PCDHGA9: variants seen among roughly 807,000 people sequenced by gnomAD.
PCDHGA9 encodes the protein protocadherin gamma subfamily A, 9.
PCDHGA9 carries 37 observed loss-of-function variants against 62.5 expected under a neutral mutation model. The ratio of observed to expected loss-of-function variants is 0.59; its 90% CI spans 0.46 to 0.78. The LOEUF is 0.78. PCDHGA9 is among the 30% of genes least tolerant of loss of function. PCDHGA9 has a pLI of 0.00. For synonymous variants in PCDHGA9, 459 were observed against 484.6 expected, an observed-to-expected ratio of 0.95 and a Z score of 0.69; for missense variants, 1,138 against 1,166.2, an observed-to-expected ratio of 0.98 and a Z score of 0.35.
chr5:141,486,166 G>A lies in PCDHGA9; in HGVS notation c.2425-8641G>A. ...GCGATGGGGGTTCTCCAGCCATGGA[G>A]CAACATTGCAGCCTTCGAGTGGATC... On this transcript the variant is annotated intron_variant, in intron 1 of 3. Coordinates refer to ENST00000573521, the MANE Select transcript of PCDHGA9 (RefSeq NM_018921.3). The surrounding 1 kb of genome is among the most constrained non-coding windows in gnomAD (Gnocchi z 5.0). The A allele has an allele frequency of 2.5e-6, 4 of 1,614,224 alleles. No individual in the cohort carries two copies. The highest frequency in any genetic ancestry group is 3.4e-6 in the Non-Finnish European group (4 of 1,180,040).
chr5:141,419,165 A>G, intron 1 of PCDHGA9: 1 of 1,613,978 alleles, frequency 6.2e-7, no homozygotes, highest in Non-Finnish European at 8.5e-7. Flanking sequence ...ATCCTCCAGC[A>G]AAACCATAAC....
chr5:141,417,760 C>A, intron 1 of PCDHGA9: 1 of 1,438,808 alleles, frequency 7.0e-7, no homozygotes, highest in South Asian at 1.5e-5. Context: ...GCTCCGAGAC[C>A]CGGGACTCCT....
rs2095356668 is a variant in PCDHGA9, at chr5:141,410,094, C to T, written c.2424+4718C>T. Reference sequence around the variant, plus strand: ...ACTGGGGAGGTGCGCACGGCTCGAGCCTTAGGCGACAGGGACGCAGCCCGC... The same window carrying T: ...ACTGGGGAGGTGCGCACGGCTCGAGTCTTAGGCGACAGGGACGCAGCCCGC... On this transcript the variant is annotated intron_variant, in intron 1 of 3. Coordinates refer to ENST00000573521, the MANE Select transcript of PCDHGA9 (RefSeq NM_018921.3). 6.2e-7 allele frequency: 1 copy of T among 1,612,528 alleles called. No homozygotes were observed. Among genetic ancestry groups the T allele is most frequent in the Non-Finnish European group, 8.5e-7 (1 of 1,179,670 alleles).
At chr5:141,418,460 G>A in intron 1 of PCDHGA9, 1 of 1,613,992 alleles carries the variant, frequency 6.2e-7, no homozygotes, top group Non-Finnish European at 8.5e-7. Context: ...GAAGACTCTG[G>A]ACCGAGAAAC....
At chr5:141,483,240 T>C (rs2099578643) in intron 1 of PCDHGA9, among the ~76,000 whole-genome samples, 2 of 151,742 alleles carry the variant, frequency 1.3e-5, no homozygotes, top group Non-Finnish European at 1.5e-5. Flanking sequence ...TGAACTGATA[T>C]GCATATATCA....
At position 141,477,130 on chromosome 5, in the gene PCDHGA9, G is replaced by C; in HGVS notation, c.2425-17677G>C. On this transcript the variant is annotated intron_variant, in intron 1 of 3. Coordinates refer to ENST00000573521, the MANE Select transcript of PCDHGA9 (RefSeq NM_018921.3). The surrounding 1 kb of genome is among the most constrained non-coding windows in gnomAD (Gnocchi z 4.9). ...ATCCCGAAGGAGCACATTGCAAAGT[G>C]TTGGTGGAGGTTGTGGATGTGAATG... 6.2e-7 allele frequency: 1 copy of C among 1,614,252 alleles called. No individual in the cohort carries two copies. The highest frequency in any genetic ancestry group is 2.2e-5 in the East Asian group (1 of 44,888).
At position 141,497,540 on chromosome 5, in the gene PCDHGA9, C is replaced by CT. The variant is rs754207034; in HGVS notation, c.2483+2693dup. On this transcript the variant is annotated intron_variant, in intron 2 of 3. Transcript: ENST00000573521. Reference sequence around the variant, plus strand: ...TTAACTTGTGGAGGATGCAACAAACCTTTTTTTTTTTTTTTTTTAGACAGA... The same window carrying CT: ...TTAACTTGTGGAGGATGCAACAAACCTTTTTTTTTTTTTTTTTTTAGACAGA... Among the ~76,000 whole-genome samples, 618 of 134,908 alleles carry CT rather than the reference C, an allele frequency of 4.6e-3. 3 individuals carry two copies. The highest frequency in any genetic ancestry group is 0.012 in the African/African-American group (419 of 35,974). 88.5% of individuals were successfully genotyped at this position (134,908 alleles called of 152,430 possible). A position where few individuals can be genotyped will look rare whatever the true frequency, so the allele number is the denominator to read the frequency against.
chr5:141,494,236 T>C (rs1384800217), intron 1 of PCDHGA9, among the ~76,000 whole-genome samples: 7 of 152,128 alleles, frequency 4.6e-5, no homozygotes, highest in Non-Finnish European at 1.0e-4. Flanking sequence ...AAATTAATAA[T>C]GTATTTAGCT....
chr5:141,423,050 G>C, intron 1 of PCDHGA9: 1 of 1,614,186 alleles, frequency 6.2e-7, no homozygotes, highest in Non-Finnish European at 8.5e-7. Flanking sequence ...CTGTCCTATC[G>C]CCTGCTTAAG....
Position 141,476,996 on chromosome 5 carries a change from C to T in PCDHGA9, c.2425-17811C>T. The T allele has an allele frequency of 6.2e-7, 1 of 1,614,250 alleles. No homozygotes were observed. Among genetic ancestry groups the T allele is most frequent in the Non-Finnish European group, 8.5e-7 (1 of 1,180,052 alleles). On this transcript the variant is annotated intron_variant, in intron 1 of 3. Coordinates refer to ENST00000573521, the MANE Select transcript of PCDHGA9 (RefSeq NM_018921.3). The surrounding 1 kb of genome is among the most constrained non-coding windows in gnomAD (Gnocchi z 7.6). ...CCACAACCGCGCCGGCGTGCGGCAA[C>T]TATTCGCCTTAGACCTTGTAACCGG...
chr5:141,429,374 TG>T (rs2097206438), intron 1 of PCDHGA9, among the ~76,000 whole-genome samples: 1 of 145,410 alleles, frequency 6.9e-6, no homozygotes, highest in South Asian at 2.2e-4. Context: ...ATGGAGAAAA[TG>T]TGTTTTTTTT....
chr5:141,415,521 G>T lies in PCDHGA9; in HGVS notation c.2424+10145G>T, dbSNP rs1357538686. 2.5e-6 allele frequency: 4 copies of T among 1,614,070 alleles called. No individual in the cohort carries two copies. The African/African-American group carries it at 5.3e-5, about 22-fold the overall frequency. Reference sequence around the variant, plus strand: ...TCCCCCAGCCCAATTATGCGGACACGCTCATCAGCCAGGAGAGCTGTGAGA... The same window carrying T: ...TCCCCCAGCCCAATTATGCGGACACTCTCATCAGCCAGGAGAGCTGTGAGA... On this transcript the variant is annotated intron_variant, in intron 1 of 3. Coordinates refer to ENST00000573521, the MANE Select transcript of PCDHGA9 (RefSeq NM_018921.3).
rs1195316502 is a variant in PCDHGA9 at position 141,431,006 on chromosome 5, A to G, written c.2424+25630A>G. 1.2e-6 allele frequency: 2 copies of G among 1,614,116 alleles called. No individual in the cohort carries two copies. Among genetic ancestry groups the G allele is most frequent in the South Asian group, 2.2e-5 (2 of 91,078 alleles). ...TTTCGCCCTGAATCCGCGCAGCGGC[A>G]GCTTGGTCACGGCGGGCAGGATAGA... On this transcript the variant is annotated intron_variant, in intron 1 of 3. Transcript: ENST00000573521. The surrounding 1 kb of genome is among the most constrained non-coding windows in gnomAD (Gnocchi z 4.8).
At position 141,403,004 on chromosome 5, in the gene PCDHGA9, T is replaced by A; in HGVS notation, c.52T>A (p.Ser18Thr). The A allele has an allele frequency of 6.2e-7, 1 of 1,613,990 alleles. No homozygotes were observed. Among genetic ancestry groups the A allele is most frequent in the Non-Finnish European group, 8.5e-7 (1 of 1,179,882 alleles). ...QLRGRLVLLCSLLGMLWEARA... is the reference protein window; with the variant it reads ...QLRGRLVLLCTLLGMLWEARA... The stretch of plus-strand genomic sequence containing the variant: ...CCGCGGAAGATTAGTCCTGCTATGC[T>A]CGCTCCTGGGGATGCTATGGGAGGC... Residue 18 changes from serine (S) to threonine (T), a missense_variant, in exon 1 of 4, where the codon TCG (serine) becomes ACG (threonine). Ser to Thr is a moderately conservative substitution (Grantham distance 58, BLOSUM62 1). Transcript: ENST00000573521.
At chr5:141,450,509 G>A (rs2098683055) in intron 1 of PCDHGA9, among the ~76,000 whole-genome samples, 1 of 151,878 alleles carries the variant, frequency 6.6e-6, no homozygotes, top group African/African-American at 2.4e-5. Flanking sequence ...GTTTTGAGAT[G>A]GAGTCTCATT....
chr5:141,423,693 G>A (rs114008539), intron 1 of PCDHGA9: 1 of 1,396,244 alleles, frequency 7.2e-7, no homozygotes, highest in Non-Finnish European at 9.4e-7. Flanking sequence ...CTAATTGTTG[G>A]TGTCTTGGCA....
intron 1 of PCDHGA9, chr5:141,427,778 A>T: frequency 1.4e-6 from 2 of 1,436,676 alleles, no homozygotes; most frequent in Non-Finnish European, 1.9e-6. Context: ...AGCTGCGGGC[A>T]CTGTCGTCCT....
At chr5:141,479,685 G>A (rs749895405) in intron 1 of PCDHGA9, 3 of 152,248 alleles carry the variant, frequency 2.0e-5, no homozygotes, top group Non-Finnish European at 4.4e-5. Flanking sequence ...AGTCTTTTTG[G>A]TGCCTCCAGT....
rs1042973261 is a variant in PCDHGA9 at position 141,491,547 on chromosome 5, G to T, written c.2425-3260G>T. ...AGGTGACGCTGCGGCCCACAGACTC[G>T]CAGAGCCACTGCTACAGGACGTGCT... On this transcript the variant is annotated intron_variant, in intron 1 of 3. Transcript: ENST00000573521. The surrounding 1 kb of genome is among the most constrained non-coding windows in gnomAD (Gnocchi z 6.9). 6.8e-6 allele frequency: 11 copies of T among 1,613,856 alleles called. No homozygotes were observed. Among genetic ancestry groups the T allele is most frequent in the Middle Eastern group, 1.6e-4 (1 of 6,084 alleles).
Sources: allele counts gnomAD v4.1 joint callset (sites outside exome capture counted in the v4.1 genomes callset), GRCh38; gene constraint gnomAD v4.1.1; non-coding constraint Gnocchi (gnomAD v3.1); transcripts MANE v1.5; gene names NCBI Gene and HGNC (gene_info 2026-07-23, HGNC 2026-07-21).